Variants in PTPRG observed in about 807,000 individuals in gnomAD.
PTPRG encodes protein tyrosine phosphatase receptor type G.
PTPRG carries 102 observed loss-of-function variants against 165.3 expected under a neutral mutation model. The observed-to-expected ratio is 0.62, with a 90% CI of 0.53 to 0.73. The LOEUF (loss-of-function observed/expected upper bound fraction) is 0.73. Ranked by LOEUF, PTPRG falls within the 30% of genes least tolerant of loss-of-function variation. The probability of loss-of-function intolerance (pLI) is 0.00; values close to 1 mark genes in which losing one functional copy is unlikely to be tolerated. For synonymous variants in PTPRG, 675 were observed against 669.5 expected, an observed-to-expected ratio of 1.01 and a Z score of -0.13; for missense variants, 1,866 against 1,861.4, an observed-to-expected ratio of 1.00 and a Z score of -0.05.
At chr3:62,154,892 C>T (rs894025147) in intron 6 of PTPRG, among the ~76,000 whole-genome samples, 4 of 152,148 alleles carry the variant, frequency 2.6e-5, no homozygotes, top group African/African-American at 9.7e-5. Flanking sequence ...CCAAGCCCTA[C>T]CCACACCCTC....
intron 2 of PTPRG, among the ~76,000 whole-genome samples, chr3:61,931,432 T>C (rs1188718037): frequency 1.3e-5 from 2 of 152,234 alleles, no homozygotes; most frequent in Non-Finnish European, 2.9e-5. Flanking sequence ...GTGGTAGTGG[T>C]ATGTCCACAG....
At chr3:61,704,962 G>A (rs1265501816) in intron 1 of PTPRG, among the ~76,000 whole-genome samples, 1 of 152,212 alleles carries the variant, frequency 6.6e-6, no homozygotes, top group African/African-American at 2.4e-5. Context: ...CTTCCTGCAA[G>A]TAGGTCCTTG....
intron 5 of PTPRG, among the ~76,000 whole-genome samples, chr3:62,113,666 C>T (rs577200643): frequency 2.6e-5 from 4 of 152,210 alleles, no homozygotes; most frequent in African/African-American, 9.6e-5. Context: ...ATCCTACCCT[C>T]TGGAGGGAAC....
chr3:61,817,051 A>C (rs1219192496), intron 2 of PTPRG, among the ~76,000 whole-genome samples: 1 of 122,996 alleles, frequency 8.1e-6, no homozygotes, highest in African/African-American at 2.9e-5. Flanking sequence ...ATATAATATT[A>C]TATATAATAT....
At chr3:62,174,632 T>A (rs538274843) in intron 8 of PTPRG, among the ~76,000 whole-genome samples, 2 of 152,216 alleles carry the variant, frequency 1.3e-5, no homozygotes, top group Non-Finnish European at 2.9e-5. Context: ...AACAAAGAAG[T>A]AAATCCATGA....
Position 62,231,311 on chromosome 3 carries a change from GGTGAGGGGCGGTCAAGCTTAA to G in PTPRG, c.2375+4_2375+24del. 1 of 1,581,574 alleles carries G rather than the reference GGTGAGGGGCGGTCAAGCTTAA, an allele frequency of 6.3e-7. No individual in the cohort carries two copies. Among genetic ancestry groups the G allele is most frequent in the Non-Finnish European group, 8.6e-7 (1 of 1,164,912 alleles). On this transcript the variant is annotated splice_donor_variant and splice_donor_5th_base_variant and intron_variant, in intron 14 of 29. Coordinates refer to ENST00000474889, the MANE Select transcript of PTPRG (RefSeq NM_002841.4). LOFTEE classifies it high-confidence loss of function. ...GGGGAGAGAGGAGAGAAGGGGAGCA[GGTGAGGGGCGGTCAAGCTTAA>G]GTGGGGGGCGTCTTGATGGCCGGGA...
At chr3:62,029,028 A>T (rs986670831) in intron 4 of PTPRG, among the ~76,000 whole-genome samples, 2 of 152,194 alleles carry the variant, frequency 1.3e-5, no homozygotes, top group African/African-American at 4.8e-5. Context: ...TGGCCATGGA[A>T]TGCACAACAT....
At chr3:61,843,160 A>G (rs894941595) in intron 2 of PTPRG, among the ~76,000 whole-genome samples, 2 of 152,240 alleles carry the variant, frequency 1.3e-5, no homozygotes, top group African/African-American at 4.8e-5. Flanking sequence ...AAATTTTGAT[A>G]AGCCACAATC....
chr3:62,132,486 C>T, intron 5 of PTPRG, 116 bp from the exon 6 acceptor site: 1 of 820,944 alleles, frequency 1.2e-6, no homozygotes, highest in African/African-American at 1.7e-5. Context: ...TATGTGAGAC[C>T]TAAGCAGCTT....
intron 1 of PTPRG, among the ~76,000 whole-genome samples, chr3:61,636,154 G>A (rs1275755356): frequency 1.3e-5 from 2 of 152,148 alleles, no homozygotes; most frequent in Admixed American, 1.3e-4. Flanking sequence ...ACAACTAAAT[G>A]CTCCAGTTGC....
At chr3:62,109,380 C>T (rs1200122672) in intron 5 of PTPRG, among the ~76,000 whole-genome samples, 2 of 152,072 alleles carry the variant, frequency 1.3e-5, no homozygotes, top group Non-Finnish European at 2.9e-5. Context: ...TTTCTGAGGC[C>T]TCTGTTCTGT....
At chr3:61,643,260 G>GGAGAGAGAGAGAGAGAAA (rs959681424) in intron 1 of PTPRG, among the ~76,000 whole-genome samples, 22 of 138,596 alleles carry the variant, frequency 1.6e-4, no homozygotes, top group Admixed American at 7.7e-4. Context: ...CCCCATCTGG[G>GGAGAGAGAGAGAGAGAAA]GAGAGAGAGA....
At chr3:61,812,377 AT>A (rs2035610801) in intron 2 of PTPRG, among the ~76,000 whole-genome samples, 1 of 152,052 alleles carries the variant, frequency 6.6e-6, no homozygotes, top group Non-Finnish European at 1.5e-5. Context: ...GATGTGATCA[AT>A]TTTTCTTTTG....
chr3:62,121,009 A>G (rs867575013), intron 5 of PTPRG, among the ~76,000 whole-genome samples: 2 of 151,262 alleles, frequency 1.3e-5, no homozygotes, highest in Admixed American at 6.6e-5. Context: ...CAGTGGCCCT[A>G]TCTCGGCTCA....
chr3:61,671,908 C>CT (rs1703009595), intron 1 of PTPRG, among the ~76,000 whole-genome samples: 1 of 146,122 alleles, frequency 6.8e-6, no homozygotes. Flanking sequence ...CTGATCCCCC[C>CT]ACCTCCCTCC....
At chr3:61,694,008 CA>C (rs1163062978) in intron 1 of PTPRG, among the ~76,000 whole-genome samples, 126 of 65,492 alleles carry the variant, frequency 1.9e-3, no homozygotes, top group East Asian at 3.9e-3. Flanking sequence ...ACTCCATCTC[CA>C]AAAAAAAAAA....
At position 62,255,009 on chromosome 3, in the gene PTPRG, T is replaced by C; in HGVS notation, c.2468-115T>C. 1.3e-6 allele frequency: 1 copy of C among 778,900 alleles called. No homozygotes were observed. The allele number at this position is 778,900 out of a possible 1,614,324, so 48.2% of individuals were successfully genotyped here. ...GGACATCTATTTTGTGTGATACAAT[T>C]ATTTTGCTCTTTGCAAAAATCAAGT... is the stretch of plus-strand genomic sequence containing the variant. On this transcript the variant is annotated intron_variant, in intron 15 of 29. Coordinates refer to ENST00000474889, the MANE Select transcript of PTPRG (RefSeq NM_002841.4). This position sits in a 1 kb window ranked among gnomAD's most constrained non-coding sequence, Gnocchi z 4.0.
chr3:61,742,422 T>TTTAAA, intron 1 of PTPRG: 1 of 1,316,846 alleles, frequency 7.6e-7, no homozygotes, highest in Non-Finnish European at 1.0e-6. Context: ...TTTTTTTTTT[T>TTTAAA]TGAACTGGTA....
intron 2 of PTPRG, among the ~76,000 whole-genome samples, chr3:61,889,529 G>A (rs2038148326): frequency 6.6e-6 from 1 of 152,134 alleles, no homozygotes; most frequent in African/African-American, 2.4e-5. Flanking sequence ...TGAAAACTTA[G>A]CCATTAAAGT....
Sources: gnomAD v4.1 joint callset for allele counts (sites outside exome capture counted in the v4.1 genomes callset) on GRCh38, gnomAD v4.1.1 for gene constraint, Gnocchi (gnomAD v3.1) non-coding constraint, MANE v1.5 for transcripts, NCBI Gene and HGNC (gene_info 2026-07-23, HGNC 2026-07-21) for gene names.